The following TCTN1 variants were observed in gnomAD, a reference collection of about 807,000 sequenced individuals.
TCTN1 encodes tectonic-1.
TCTN1 carries 58 observed loss-of-function variants against 65.8 expected under a neutral mutation model. That is an observed-to-expected ratio of 0.88 (90% CI 0.71 to 1.10). TCTN1 has a LOEUF of 1.10. Ranked by LOEUF, TCTN1 falls within the 50% of genes least tolerant of loss-of-function variation. The probability of loss-of-function intolerance (pLI) is 0.00; values close to 1 mark genes in which losing one functional copy is unlikely to be tolerated. For missense variants in TCTN1, 645 were observed against 719.4 expected (o/e 0.90, Z 1.18); for synonymous variants, 273 against 289.1 (o/e 0.94, Z 0.57).
Position 110,644,753 on chromosome 12 carries a change from C to T in TCTN1, c.1332-214C>T, listed in dbSNP as rs1421947810. 3 of 620,638 alleles carry T rather than the reference C, an allele frequency of 4.8e-6. No individual in the cohort carries two copies. The highest frequency in any genetic ancestry group is 8.5e-6 in the Non-Finnish European group (3 of 353,100). The allele number at this position is 620,638 out of a possible 1,614,324, so 38.4% of individuals were successfully genotyped here. ...GGTGGGCTGGGTGTGGTGGCTCACT[C>T]CTGTAGTCCCAGCACTCTGGGAGGA... On this transcript the variant is annotated intron_variant, in intron 11 of 14. Transcript: ENST00000397659. This position sits in a 1 kb window ranked among gnomAD's most constrained non-coding sequence, Gnocchi z 4.6.
intron 4 of TCTN1, among the ~76,000 whole-genome samples, chr12:110,631,484 A>AT (rs1465208060): frequency 6.6e-6 from 1 of 151,988 alleles, no homozygotes; most frequent in Non-Finnish European, 1.5e-5. Flanking sequence ...AAATACAAAA[A>AT]TTAGCTGGGC....
rs1422696895 is a variant in TCTN1 at position 110,640,062 on chromosome 12, A to T, written c.844-321A>T. The stretch of plus-strand genomic sequence containing the variant: ...TTTGTATTTATCCATTCATCAGTTG[A>T]TGGACATTTAGGTGGTTTTTGGTTT... On this transcript the variant is annotated intron_variant, in intron 7 of 14. Transcript: ENST00000397659. The surrounding 1 kb of genome is among the most constrained non-coding windows in gnomAD (Gnocchi z 4.9). Among the ~76,000 whole-genome samples, 1 of 152,188 alleles carries T rather than the reference A, an allele frequency of 6.6e-6. No homozygotes were observed. The highest frequency in any genetic ancestry group is 2.4e-5 in the African/African-American group (1 of 41,442).
At chr12:110,628,192 G>GATT in intron 3 of TCTN1, 1 of 1,536,012 alleles carries the variant, frequency 6.5e-7, no homozygotes, top group Non-Finnish European at 8.7e-7. Flanking sequence ...GAAATAGACG[G>GATT]ATTATTATTG....
intron 13 of TCTN1, 200 bp from the exon 14 acceptor site, chr12:110,647,549 A>G (rs1234227538): frequency 5.9e-6 from 6 of 1,023,614 alleles, no homozygotes; most frequent in Non-Finnish European, 7.2e-6. Flanking sequence ...TTCTCATGAA[A>G]ATTATGATAT....
chr12:110,647,804 A>T lies in TCTN1; in HGVS notation c.1691A>T (p.Asp564Val), dbSNP rs2067462657. Residue 564 changes from aspartate to valine, a missense_variant, in exon 14 of 15, where the codon GAT (aspartate) becomes GTT (valine). Coordinates refer to ENST00000397659, the MANE Select transcript of TCTN1 (RefSeq NM_001082538.3). ...ILISTAVTFV[D>V]VSAPAEAGFR... ...ATTTCCACTGCGGTTACTTTTGTGG[A>T]TGTGTCTGCACCTGCAGAGGCAGGC... 1 of 1,614,028 alleles carries T rather than the reference A, an allele frequency of 6.2e-7. No individual in the cohort carries two copies. Among genetic ancestry groups the T allele is most frequent in the Non-Finnish European group, 8.5e-7 (1 of 1,180,040 alleles).
At chr12:110,619,579 C>A (rs888911890) in intron 1 of TCTN1, among the ~76,000 whole-genome samples, 2 of 152,186 alleles carry the variant, frequency 1.3e-5, no homozygotes, top group Admixed American at 1.3e-4. Context: ...ATTCAGCTTA[C>A]GAAATCAGCA....
chr12:110,646,449 A>C (rs1202965389), intron 12 of TCTN1: 1 of 152,146 alleles, frequency 6.6e-6, no homozygotes, highest in African/African-American at 2.4e-5. Flanking sequence ...GAATAGTACC[A>C]TGGAGTCCCC....
At chr12:110,635,232 C>G (rs772974765) in intron 6 of TCTN1, among the ~76,000 whole-genome samples, 1 of 152,162 alleles carries the variant, frequency 6.6e-6, no homozygotes. Context: ...GAAGTGGGCA[C>G]AATGGTGAAG....
In TCTN1 at chr12:110,634,307, AG is replaced by A. The variant is rs1284273714; in HGVS notation, c.713-358del. 1.1e-5 allele frequency: 5 copies of A among 440,766 alleles called. No homozygotes were observed. In the Admixed American group the frequency reaches 1.2e-4, roughly 11 times the overall value. The allele number at this position is 440,766 out of a possible 1,614,324, so 27.3% of individuals were successfully genotyped here. ...AGCTGGGGGGCAGGACAAGAATTGG[AG>A]GGGGATTTACTCATTATCTTTTTGT... On this transcript the variant is annotated intron_variant, in intron 5 of 14. Transcript: ENST00000397659.
In TCTN1 at chr12:110,647,262, T is replaced by C; in HGVS notation, c.1561T>C (p.Tyr521His). 1 of 1,614,200 alleles carries C rather than the reference T, an allele frequency of 6.2e-7. No individual in the cohort carries two copies. Among genetic ancestry groups the C allele is most frequent in the Non-Finnish European group, 8.5e-7 (1 of 1,180,012 alleles). The change falls in exon 13 of 15, where the codon TAC becomes CAC. Residue 521 changes from tyrosine (Y) to histidine (H), a missense_variant. Coordinates refer to ENST00000397659, the MANE Select transcript of TCTN1 (RefSeq NM_001082538.3). ...ALVIEVKWTK[Y>H]GSLLNPQAKI... ...GGTTATAGAAGTGAAGTGGACTAAA[T>C]ACGGATCCCTGCTGAATCCACAGGC...
chr12:110,647,431 T>C, intron 13 of TCTN1, 95 bp downstream of exon 13: 2 of 1,518,754 alleles, frequency 1.3e-6, no homozygotes, highest in Non-Finnish European at 1.8e-6. Context: ...TGAAAAAGAT[T>C]ATAATTTAAA....
chr12:110,622,134 T>TA (rs200326554), intron 2 of TCTN1, among the ~76,000 whole-genome samples: 130 of 148,536 alleles, frequency 8.8e-4, no homozygotes, highest in African/African-American at 2.9e-3. Flanking sequence ...CGAAACTCCA[T>TA]AAAAAAAAAT....
chr12:110,622,407 A>G (rs1243967195), intron 2 of TCTN1, among the ~76,000 whole-genome samples: 1 of 152,160 alleles, frequency 6.6e-6, no homozygotes, highest in Non-Finnish European at 1.5e-5. Flanking sequence ...TCCTGCCTTC[A>G]AAGAGCTTAC....
chr12:110,630,538 G>A (rs773945224), intron 4 of TCTN1, among the ~76,000 whole-genome samples: 2 of 152,156 alleles, frequency 1.3e-5, no homozygotes, highest in East Asian at 3.8e-4. Context: ...CTTTTTAAAA[G>A]CAAAGTATAA....
intron 3 of TCTN1, among the ~76,000 whole-genome samples, chr12:110,627,286 A>C (rs2065923863): frequency 1.3e-5 from 2 of 151,142 alleles, no homozygotes; most frequent in Admixed American, 1.3e-4. Context: ...TAGTAGAGAC[A>C]GGGTTTCACC....
intron 14 of TCTN1, chr12:110,648,729 G>A (rs201861582): frequency 4.1e-6 from 1 of 244,346 alleles, no homozygotes; most frequent in Non-Finnish European, 8.0e-6. Flanking sequence ...CTTGCTCTCC[G>A]ACTGGCAGGC....
At chr12:110,641,489 A>G in intron 9 of TCTN1, 53 bp from the exon 10 acceptor site, 1 of 1,529,998 alleles carries the variant, frequency 6.5e-7, no homozygotes, top group Non-Finnish European at 9.1e-7. Flanking sequence ...TCTTCCTGCC[A>G]TTTCCTTATT....
At chr12:110,648,514 G>C (rs1237442218) in intron 14 of TCTN1, among the ~76,000 whole-genome samples, 1 of 152,106 alleles carries the variant, frequency 6.6e-6, no homozygotes, top group Non-Finnish European at 1.5e-5. Context: ...CCCCTGCTTT[G>C]AGTTATTTAT....
chr12:110,623,940 A>T (rs1409301466), intron 2 of TCTN1, among the ~76,000 whole-genome samples: 2 of 152,170 alleles, frequency 1.3e-5, no homozygotes, highest in African/African-American at 4.8e-5. Flanking sequence ...ATAGGCTGGT[A>T]TACGATGATG....
Sources: gnomAD v4.1 joint callset for allele counts (sites outside exome capture counted in the v4.1 genomes callset) on GRCh38, gnomAD v4.1.1 for gene constraint, Gnocchi (gnomAD v3.1) non-coding constraint, MANE v1.5 for transcripts, NCBI Gene and HGNC (gene_info 2026-07-23, HGNC 2026-07-21) for gene names.